The following AFG1L variants were observed in gnomAD, a reference collection of about 807,000 sequenced individuals.
AFG1L encodes the protein AFG1-like ATPase.
In AFG1L, 53 loss-of-function variants were observed where a neutral mutation model predicts 62.2. That is an observed-to-expected ratio of 0.85 (90% confidence interval 0.68 to 1.07). AFG1L has a LOEUF of 1.07. Ranked by LOEUF, AFG1L falls within the 50% of genes least tolerant of loss-of-function variation. The pLI, the probability that AFG1L is intolerant of heterozygous loss-of-function variation, is 0.00. For synonymous variants in AFG1L, 228 were observed against 210.3 expected, an observed-to-expected ratio of 1.08 and a Z score of -0.73; for missense variants, 555 against 590.5, an observed-to-expected ratio of 0.94 and a Z score of 0.62.
At chr6:108,361,126 CA>C in intron 5 of AFG1L, among the ~76,000 whole-genome samples, 1 of 152,338 alleles carries the variant, frequency 6.6e-6, no homozygotes, top group South Asian at 2.1e-4. Flanking sequence ...GACCCATGAC[CA>C]GGGGGTCCCT....
intron 5 of AFG1L, among the ~76,000 whole-genome samples, chr6:108,360,926 A>C (rs1460958512): frequency 6.6e-6 from 1 of 152,190 alleles, no homozygotes; most frequent in African/African-American, 2.4e-5. Context: ...GAGCCTTTGC[A>C]CTGGGGATTC....
intron 6 of AFG1L, among the ~76,000 whole-genome samples, chr6:108,383,265 A>T (rs1780625976): frequency 6.6e-6 from 1 of 152,196 alleles, no homozygotes. Context: ...TAAATTAAAA[A>T]GGTGAAAGAA....
chr6:108,366,098 A>G (rs2114497544), intron 5 of AFG1L, 135 bp from the exon 6 acceptor site: 3 of 566,568 alleles, frequency 5.3e-6, no homozygotes, highest in East Asian at 2.9e-5. Context: ...TTAATTATCT[A>G]CTCTTTTCTT....
At chr6:108,420,394 AAT>A (rs1435112678) in intron 7 of AFG1L, among the ~76,000 whole-genome samples, 1 of 148,260 alleles carries the variant, frequency 6.7e-6, no homozygotes, top group Admixed American at 6.8e-5. Context: ...ATTAAATAAA[AAT>A]ATATTTTTAT....
intron 2 of AFG1L, among the ~76,000 whole-genome samples, chr6:108,335,398 A>G (rs970776810): frequency 2.6e-5 from 4 of 152,232 alleles, no homozygotes; most frequent in African/African-American, 9.6e-5. Flanking sequence ...GCCATCACTA[A>G]AGAGTCATAG....
chr6:108,329,074 C>A (rs1163888712), intron 2 of AFG1L, among the ~76,000 whole-genome samples: 1 of 148,374 alleles, frequency 6.7e-6, no homozygotes, highest in East Asian at 2.1e-4. Flanking sequence ...CTCCCTCCCT[C>A]CCTCCTTCCC....
intron 8 of AFG1L, among the ~76,000 whole-genome samples, chr6:108,455,285 G>A (rs1460054917): frequency 6.6e-6 from 1 of 152,146 alleles, no homozygotes; most frequent in Non-Finnish European, 1.5e-5. Context: ...TATTGAGTGG[G>A]TGATTTTACA....
At chr6:108,442,891 T>C (rs1771609734) in intron 7 of AFG1L, among the ~76,000 whole-genome samples, 1 of 152,110 alleles carries the variant, frequency 6.6e-6, no homozygotes, top group Admixed American at 6.6e-5. Context: ...CCTGAGCCCC[T>C]TAGCACCTGC....
Position 108,522,537 on chromosome 6 carries a change from C to G in AFG1L, c.*112C>G. The G allele has an allele frequency of 8.4e-7, 1 of 1,196,040 alleles. No homozygotes were observed. The highest frequency in any genetic ancestry group is 1.1e-6 in the Non-Finnish European group (1 of 880,276). 74.1% of individuals were successfully genotyped at this position (1,196,040 alleles called of 1,614,324 possible). A position where few individuals can be genotyped will look rare whatever the true frequency, so the allele number is the denominator to read the frequency against. The stretch of plus-strand genomic sequence containing the variant: ...CATCATTAATTATGCACTTTGTCCT[C>G]TGGACCATTTTAATCTAAAATTGCT... On this transcript the variant is annotated 3_prime_UTR_variant, in exon 13 of 13. Transcript: ENST00000368977.
At chr6:108,327,619 A>T (rs1778102407) in intron 2 of AFG1L, among the ~76,000 whole-genome samples, 1 of 152,194 alleles carries the variant, frequency 6.6e-6, no homozygotes, top group East Asian at 1.9e-4. Context: ...TCATGACCTC[A>T]TCACCTTCCA....
chr6:108,370,161 C>T (rs2114512612), intron 6 of AFG1L, among the ~76,000 whole-genome samples: 1 of 151,938 alleles, frequency 6.6e-6, no homozygotes, highest in Admixed American at 6.6e-5. Flanking sequence ...AAGAGCTAAA[C>T]CTTTTAGCGT....
chr6:108,485,584 A>ATATT (rs1773504783), intron 10 of AFG1L, among the ~76,000 whole-genome samples: 1 of 140,838 alleles, frequency 7.1e-6, no homozygotes, highest in African/African-American at 2.6e-5. Context: ...ATTTGCTGAG[A>ATATT]CAATAATTAA....
chr6:108,410,831 G>C (rs1782064948), intron 7 of AFG1L, among the ~76,000 whole-genome samples: 1 of 152,094 alleles, frequency 6.6e-6, no homozygotes, highest in Non-Finnish European at 1.5e-5. Context: ...GGCCAAATAG[G>C]AACAGATCCA....
At chr6:108,517,374 A>G (rs1774942916) in intron 11 of AFG1L, among the ~76,000 whole-genome samples, 1 of 152,240 alleles carries the variant, frequency 6.6e-6, no homozygotes. Flanking sequence ...GTGATCTTTG[A>G]CAAACCTGAC....
intron 10 of AFG1L, among the ~76,000 whole-genome samples, chr6:108,508,655 C>T (rs990127652): frequency 6.6e-6 from 1 of 152,174 alleles, no homozygotes. Context: ...GAACCTAACT[C>T]TCTGGATTTA....
intron 6 of AFG1L, among the ~76,000 whole-genome samples, chr6:108,376,457 T>A (rs1780251720): frequency 6.6e-6 from 1 of 152,128 alleles, no homozygotes; most frequent in East Asian, 1.9e-4. Flanking sequence ...GATTTTGGGA[T>A]ATTGTGTCTT....
chr6:108,433,319 G>A (rs1427312139), intron 7 of AFG1L, among the ~76,000 whole-genome samples: 4 of 151,878 alleles, frequency 2.6e-5, no homozygotes, highest in Non-Finnish European at 5.9e-5. Flanking sequence ...TTGCTCAGTC[G>A]CCCAGGCTGG....
chr6:108,338,526 GATCTCTCT>G (rs1778556261), intron 2 of AFG1L, among the ~76,000 whole-genome samples: 4 of 151,966 alleles, frequency 2.6e-5, no homozygotes. Context: ...GTAGAGATGA[GATCTCTCT>G]ATGTTGTCCA....
At position 108,312,897 on chromosome 6, in the gene AFG1L, A is replaced by G. The variant is rs141515298; in HGVS notation, c.140-10928A>G. ...AGTGATCCTCCCACCTTGGCTTCCT[A>G]AAGTGCTGGGATTACAGGTATGAGC... On this transcript the variant is annotated intron_variant, in intron 1 of 12. Coordinates refer to ENST00000368977, the MANE Select transcript of AFG1L (RefSeq NM_145315.5). 5.7e-3 allele frequency among the ~76,000 whole-genome samples: 862 copies of G among 152,012 alleles called. 9 individuals are homozygous for G. Among genetic ancestry groups the G allele is most frequent in the Non-Finnish European group, 7.4e-3 (501 of 67,962 alleles).
Sources: allele counts gnomAD v4.1 joint callset (sites outside exome capture counted in the v4.1 genomes callset), GRCh38; gene constraint gnomAD v4.1.1; transcripts MANE v1.5; gene names NCBI Gene and HGNC (gene_info 2026-07-23, HGNC 2026-07-21).